Variants in AFG2A observed in about 807,000 individuals in gnomAD.
The protein encoded by AFG2A is ATPase family gene 2 protein homolog A.
the AFG2A span, among the ~76,000 whole-genome samples, chr4:122,942,384 G>A: frequency 1.1e-4 from 16 of 148,780 alleles, no homozygotes; most frequent in African/African-American, 3.7e-4. Flanking sequence ...GTCGAGGAAT[G>A]TATCCATTTC....
At chr4:122,929,032 T>TAACATTTATTTC in the AFG2A span, 4 of 1,611,842 alleles carry the variant, frequency 2.5e-6, no homozygotes, top group Admixed American at 6.8e-5. Context: ...ATTTCCTCTG[T>TAACATTTATTTC]CTGGCAGGTG....
the AFG2A span, among the ~76,000 whole-genome samples, chr4:123,143,878 A>G: frequency 6.6e-6 from 1 of 150,820 alleles, no homozygotes; most frequent in East Asian, 1.9e-4. Flanking sequence ...TTAGAAAGCT[A>G]AATCTATTTT....
chr4:122,967,088 T>G, the AFG2A span, among the ~76,000 whole-genome samples: 1 of 152,224 alleles, frequency 6.6e-6, no homozygotes, highest in Non-Finnish European at 1.5e-5. Flanking sequence ...GTTCCATTAC[T>G]GAGAACTATT....
At chr4:123,129,715 A>G in the AFG2A span, among the ~76,000 whole-genome samples, 1 of 152,088 alleles carries the variant, frequency 6.6e-6, no homozygotes, top group Non-Finnish European at 1.5e-5. Context: ...AAGGCTGGGC[A>G]CGGGACCCAT....
the AFG2A span, among the ~76,000 whole-genome samples, chr4:123,207,340 G>T: frequency 6.8e-6 from 1 of 148,142 alleles, no homozygotes; most frequent in Admixed American, 6.8e-5. Context: ...GTCTGGGGTG[G>T]AGTGTAGTGG....
At chr4:123,050,911 AT>A in the AFG2A span, among the ~76,000 whole-genome samples, 1 of 150,688 alleles carries the variant, frequency 6.6e-6, no homozygotes, top group African/African-American at 2.4e-5. Context: ...CGCCCAGCTA[AT>A]TTTTTTTTAG....
At chr4:123,135,988 T>G in the AFG2A span, among the ~76,000 whole-genome samples, 2 of 152,066 alleles carry the variant, frequency 1.3e-5, no homozygotes, top group Admixed American at 1.3e-4. Flanking sequence ...ACAATCTCAT[T>G]TACAATAGTA....
At chr4:123,293,691 T>C in the AFG2A span, among the ~76,000 whole-genome samples, 2 of 152,180 alleles carry the variant, frequency 1.3e-5, no homozygotes, top group African/African-American at 4.8e-5. Context: ...AGGGACACTA[T>C]GCAGACAAGG....
At chr4:123,124,768 G>A in the AFG2A span, among the ~76,000 whole-genome samples, 1 of 152,186 alleles carries the variant, frequency 6.6e-6, no homozygotes, top group African/African-American at 2.4e-5. Context: ...TGAAATTACA[G>A]TGTCACAAAA....
chr4:122,978,872 G>T, the AFG2A span, among the ~76,000 whole-genome samples: 1 of 152,232 alleles, frequency 6.6e-6, no homozygotes, highest in African/African-American at 2.4e-5. Context: ...CAGGCAAAAA[G>T]TTTTTCTGGG....
the AFG2A span, among the ~76,000 whole-genome samples, chr4:123,239,175 G>C: frequency 1.3e-5 from 2 of 152,174 alleles, no homozygotes; most frequent in Non-Finnish European, 2.9e-5. Context: ...AGAAATATGG[G>C]ACTATGTGAA....
the AFG2A span, among the ~76,000 whole-genome samples, chr4:123,244,004 A>G: frequency 1.3e-5 from 2 of 152,206 alleles, no homozygotes; most frequent in African/African-American, 4.8e-5. Flanking sequence ...CATGGGCAAC[A>G]GAGCAAGACC....
At chr4:123,253,175 A>C in the AFG2A span, among the ~76,000 whole-genome samples, 59 of 152,044 alleles carry the variant, frequency 3.9e-4, no homozygotes, top group African/African-American at 1.4e-3. Context: ...CCCCATCTTT[A>C]CTGAAAATAC....
chr4:123,260,779 G>A, the AFG2A span, among the ~76,000 whole-genome samples: 2 of 152,174 alleles, frequency 1.3e-5, no homozygotes, highest in Non-Finnish European at 2.9e-5. Flanking sequence ...ACTTATTATT[G>A]TTAGAAAGCA....
the AFG2A span, among the ~76,000 whole-genome samples, chr4:123,269,932 TC>T: frequency 1.8e-5 from 2 of 112,322 alleles, no homozygotes; most frequent in South Asian, 2.3e-4. Context: ...TTCTTCTGCC[TC>T]AGCCTCCGGA....
chr4:123,231,651 T>A, the AFG2A span, among the ~76,000 whole-genome samples: 1 of 152,048 alleles, frequency 6.6e-6, no homozygotes, highest in Admixed American at 6.6e-5. Flanking sequence ...AGGCCTAGCT[T>A]TTGGCCTTTC....
the AFG2A span, among the ~76,000 whole-genome samples, chr4:123,238,377 G>C: frequency 6.6e-6 from 1 of 152,234 alleles, no homozygotes; most frequent in African/African-American, 2.4e-5. Context: ...GCCTCCTCAA[G>C]TGGGTCCCTG....
the AFG2A span, among the ~76,000 whole-genome samples, chr4:123,311,850 C>A: frequency 1.3e-5 from 2 of 152,194 alleles, no homozygotes; most frequent in Non-Finnish European, 2.9e-5. Flanking sequence ...ACCATTTCTT[C>A]TTCTGCCAGT....
the AFG2A span, among the ~76,000 whole-genome samples, chr4:123,060,297 G>A: frequency 0.063 from 9,588 of 152,308 alleles, 533 homozygotes; most frequent in African/African-American, 0.15. Flanking sequence ...TGGTGCCCCA[G>A]TGGGGACTCT....
Sources: gnomAD v4.1 joint callset for allele counts (sites outside exome capture counted in the v4.1 genomes callset) on GRCh38, gnomAD v4.1.1 for gene constraint, MANE v1.5 for transcripts, NCBI Gene and HGNC (gene_info 2026-07-23, HGNC 2026-07-21) for gene names.